The following SMG6 variants were observed in gnomAD, a reference collection of about 807,000 sequenced individuals.
SMG6 encodes telomerase-binding protein EST1A.
SMG6 carries 66 observed loss-of-function variants against 142.2 expected under a neutral mutation model. The ratio of observed to expected loss-of-function variants is 0.46; its 90% CI spans 0.38 to 0.57. SMG6 has a LOEUF of 0.57. SMG6 is among the 20% of genes least tolerant of loss of function. SMG6 has a pLI of 0.00. For missense variants in SMG6, 1,793 were observed against 1,832.0 expected, an observed-to-expected ratio of 0.98 and a Z score of 0.39; for synonymous variants, 779 against 702.4, an observed-to-expected ratio of 1.11 and a Z score of -1.72.
chr17:2,194,707 C>CAAAAAAAAAAAAAAAAAAAAAA (rs11415492), intron 10 of SMG6, among the ~76,000 whole-genome samples: 9 of 139,918 alleles, frequency 6.4e-5, no homozygotes, highest in African/African-American at 1.1e-4. Context: ...GAAAACAAAA[C>CAAAAAAAAAAAAAAAAAAAAAA]AAAACAAAAA....
intron 6 of SMG6, among the ~76,000 whole-genome samples, chr17:2,288,103 C>A (rs1271293565): frequency 2.0e-5 from 3 of 151,988 alleles, no homozygotes; most frequent in Non-Finnish European, 2.9e-5. Flanking sequence ...CACCTGAAGT[C>A]TGGAGTTCGA....
intron 12 of SMG6, among the ~76,000 whole-genome samples, chr17:2,173,690 A>G (rs912342533): frequency 2.0e-5 from 3 of 152,156 alleles, no homozygotes; most frequent in Non-Finnish European, 2.9e-5. Context: ...GCTGAACCTG[A>G]GAAGAAACCT....
Position 2,065,155 on chromosome 17 carries a change from C to T in SMG6, c.4048-1G>A. 1 of 1,612,678 alleles carries T rather than the reference C, an allele frequency of 6.2e-7. No individual in the cohort carries two copies. Among genetic ancestry groups the T allele is most frequent in the Non-Finnish European group, 8.5e-7 (1 of 1,178,946 alleles). On this transcript the variant is annotated splice_acceptor_variant, in intron 17 of 18. Transcript: ENST00000263073. LOFTEE classifies it high-confidence loss of function. Reference sequence around the variant, plus strand: ...ACAGGATGAGATCATCGTTGTTACCCTGGAGGAAGACGTGTGTGAGAAGCA... The same window carrying T: ...ACAGGATGAGATCATCGTTGTTACCTTGGAGGAAGACGTGTGTGAGAAGCA...
intron 13 of SMG6, among the ~76,000 whole-genome samples, chr17:2,139,900 A>G (rs2070423619): frequency 6.6e-6 from 1 of 151,448 alleles, no homozygotes; most frequent in Non-Finnish European, 1.5e-5. Flanking sequence ...TAATTTTTGT[A>G]TTTTTAGTAG....
At position 2,150,106 on chromosome 17, in the gene SMG6, G is replaced by A. The variant is rs116142986; in HGVS notation, c.3357+22552C>T. Among the ~76,000 whole-genome samples the A allele has an allele frequency of 4.6e-3, 700 of 152,324 alleles. 3 individuals are homozygous for A. The highest frequency in any genetic ancestry group is 0.015 in the African/African-American group (611 of 41,576). ...CTGGGCCGCACAGCAGGAAGAGAGC[G>A]GTCAAAGCAAGCAAGACCGCCTGAG... On this transcript the variant is annotated intron_variant, in intron 13 of 18. Coordinates refer to ENST00000263073, the MANE Select transcript of SMG6 (RefSeq NM_017575.5).
chr17:2,226,020 C>A (rs1483155688), intron 10 of SMG6, among the ~76,000 whole-genome samples: 1 of 152,096 alleles, frequency 6.6e-6, no homozygotes, highest in Admixed American at 6.6e-5. Flanking sequence ...GATAAAAAAA[C>A]AAGTGGGCAC....
chr17:2,303,121 C>T (rs2151423620), intron 1 of SMG6: 1 of 985,456 alleles, frequency 1.0e-6, no homozygotes, highest in Admixed American at 6.1e-5. Context: ...TCTGAGGTCC[C>T]GGATCCCTCC....
intron 13 of SMG6, among the ~76,000 whole-genome samples, chr17:2,142,888 C>CAAAA (rs1164289108): frequency 1.1e-4 from 6 of 52,522 alleles, no homozygotes; most frequent in African/African-American, 4.2e-4. Context: ...AACACTGTCT[C>CAAAA]AAAAAAAAAA....
At chr17:2,112,534 AATAAAT>A (rs1230754542) in intron 13 of SMG6, among the ~76,000 whole-genome samples, 25 of 136,736 alleles carry the variant, frequency 1.8e-4, no homozygotes, top group African/African-American at 6.9e-4. Context: ...AAAATAAATA[AATAAAT>A]AAATAAATAA....
intron 6 of SMG6, among the ~76,000 whole-genome samples, chr17:2,292,334 T>C (rs750572562): frequency 6.6e-6 from 1 of 152,114 alleles, no homozygotes; most frequent in Non-Finnish European, 1.5e-5. Context: ...GGAATTTGAG[T>C]GCAGTGGTAA....
At chr17:2,189,104 G>A (rs2151694172) in intron 10 of SMG6, among the ~76,000 whole-genome samples, 1 of 152,278 alleles carries the variant, frequency 6.6e-6, no homozygotes, top group Non-Finnish European at 1.5e-5. Flanking sequence ...TTAATTTTAT[G>A]CAGAACAGTG....
chr17:2,157,667 C>T (rs185861508), intron 13 of SMG6, among the ~76,000 whole-genome samples: 39 of 152,312 alleles, frequency 2.6e-4, no homozygotes, highest in East Asian at 1.9e-3. Flanking sequence ...GGCTCTCATG[C>T]TTTCAGCTTA....
Position 2,282,786 on chromosome 17 carries a change from G to T in SMG6, c.2522C>A (p.Ser841Tyr), listed in dbSNP as rs763228801. 5.6e-6 allele frequency: 9 copies of T among 1,614,226 alleles called. No individual in the cohort carries two copies. The highest frequency in any genetic ancestry group is 6.8e-6 in the Non-Finnish European group (8 of 1,180,054). The change falls in exon 8 of 19, where the codon TCT becomes TAT. Residue 841 changes from serine (S) to tyrosine (Y), a missense_variant. Ser to Tyr is a moderately radical substitution (Grantham distance 144, BLOSUM62 -2). This residue lies in a region of SMG6 where 1,597 missense variants were observed against 1,584.6 expected (regional missense o/e 1.01). Coordinates refer to ENST00000263073, the MANE Select transcript of SMG6 (RefSeq NM_017575.5). ...SPDQWRKGKK[S>Y]TFRHVGDDTT... ...GTCATCTCCAACATGCCGGAAAGTA[G>T]ACTTCTTTCCTTTCCGCCACTGGTC...
chr17:2,262,307 C>T (rs1216366061), intron 8 of SMG6, among the ~76,000 whole-genome samples: 2 of 152,180 alleles, frequency 1.3e-5, no homozygotes, highest in African/African-American at 2.4e-5. Flanking sequence ...TTTGCTAATA[C>T]ATAAAATAAA....
intron 13 of SMG6, among the ~76,000 whole-genome samples, chr17:2,112,459 G>C (rs1001367623): frequency 2.6e-5 from 4 of 151,258 alleles, no homozygotes; most frequent in African/African-American, 9.7e-5. Flanking sequence ...AGTGAGCCGA[G>C]ATCGTGCCAC....
chr17:2,210,612 CGTA>C (rs1330122387), intron 10 of SMG6, among the ~76,000 whole-genome samples: 1 of 151,662 alleles, frequency 6.6e-6, no homozygotes, highest in Non-Finnish European at 1.5e-5. Context: ...GGAGGGCAAA[CGTA>C]GTATCTTTAG....
chr17:2,104,549 A>G (rs536790392), intron 13 of SMG6, among the ~76,000 whole-genome samples: 29 of 147,002 alleles, frequency 2.0e-4, no homozygotes, highest in Non-Finnish European at 3.0e-4. Context: ...AAGGGGGTTG[A>G]AAAAAAAAAA....
chr17:2,114,274 CA>C, intron 13 of SMG6, among the ~76,000 whole-genome samples: 1 of 151,922 alleles, frequency 6.6e-6, no homozygotes, highest in Admixed American at 6.6e-5. Context: ...CATCCCAAAA[CA>C]AAACAAAAAA....
In SMG6 at chr17:2,268,739, A is replaced by G. The variant is rs1424704474; in HGVS notation, c.2661+13908T>C. Among the ~76,000 whole-genome samples, 206 of 136,188 alleles carry G rather than the reference A, an allele frequency of 1.5e-3. No individual in the cohort carries two copies. The Middle Eastern group carries it at 0.019, about 12-fold the overall frequency. The allele number at this position is 136,188 out of a possible 152,430, so 89.3% of individuals were successfully genotyped here. A position where few individuals can be genotyped will look rare whatever the true frequency, so the allele number is the denominator to read the frequency against. On this transcript the variant is annotated intron_variant, in intron 8 of 18. Transcript: ENST00000263073. ...ATCCTGGCTAATATGGTGAAACCCC[A>G]TCTCTACTAAAAATACAAAAAAATT...
Sources: allele counts gnomAD v4.1 joint callset (sites outside exome capture counted in the v4.1 genomes callset), GRCh38; gene constraint gnomAD v4.1.1; regional missense constraint gnomAD v4.1.1; transcripts MANE v1.5; gene names NCBI Gene and HGNC (gene_info 2026-07-23, HGNC 2026-07-21).